Variants in ANKS1B observed in about 807,000 individuals in gnomAD.
ANKS1B encodes the protein ankyrin repeat and sterile alpha motif domain containing 1B.
A neutral mutation model predicts 148.3 loss-of-function variants in ANKS1B; 36 were observed. That is an observed-to-expected ratio of 0.24 (90% CI 0.19 to 0.32). The LOEUF is 0.32. Among genes scored for constraint, ANKS1B ranks in the 10% least tolerant of loss-of-function variants. The pLI, the probability that ANKS1B is intolerant of heterozygous loss-of-function variation, is 1.00. For missense variants in ANKS1B, 1,157 were observed against 1,542.6 expected (o/e 0.75, Z 4.19); for synonymous variants, 542 against 560.8 (o/e 0.97, Z 0.47).
intron 17 of ANKS1B, among the ~76,000 whole-genome samples, chr12:98,940,825 C>G (rs1299323602): frequency 6.6e-6 from 1 of 151,994 alleles, no homozygotes; most frequent in Non-Finnish European, 1.5e-5. Flanking sequence ...CATGGAGATC[C>G]ATTTGTTTGA....
At chr12:98,803,278 AGCTTAAAATTCTG>A (rs553709565) in intron 20 of ANKS1B, among the ~76,000 whole-genome samples, 1 of 152,334 alleles carries the variant, frequency 6.6e-6, no homozygotes, top group African/African-American at 2.4e-5. Flanking sequence ...AAGTGATAAT[AGCTTAAAATTCTG>A]GAAACATGCA....
intron 17 of ANKS1B, among the ~76,000 whole-genome samples, chr12:98,939,254 T>C (rs966023498): frequency 9.9e-5 from 15 of 152,248 alleles, no homozygotes; most frequent in African/African-American, 3.4e-4. Flanking sequence ...ATATAGCTGG[T>C]ACATAAGCAT....
intron 17 of ANKS1B, among the ~76,000 whole-genome samples, chr12:99,022,886 A>G (rs550958102): frequency 6.6e-6 from 1 of 152,074 alleles, no homozygotes; most frequent in Non-Finnish European, 1.5e-5. Flanking sequence ...TTAGGCTAAG[A>G]AATTTTCCTT....
intron 8 of ANKS1B, among the ~76,000 whole-genome samples, chr12:99,689,725 C>A (rs1164854434): frequency 6.6e-6 from 1 of 152,134 alleles, no homozygotes; most frequent in African/African-American, 2.4e-5. Context: ...GAATCTGAGA[C>A]CAGCCTCAAG....
chr12:99,749,808 C>T (rs1006404779), intron 8 of ANKS1B, among the ~76,000 whole-genome samples: 4 of 151,700 alleles, frequency 2.6e-5, no homozygotes, highest in Non-Finnish European at 5.9e-5. Flanking sequence ...AAGAGTGTCT[C>T]AGGGTTTAAA....
chr12:99,233,223 T>C (rs976835008), intron 14 of ANKS1B, among the ~76,000 whole-genome samples: 1 of 152,088 alleles, frequency 6.6e-6, no homozygotes, highest in African/African-American at 2.4e-5. Flanking sequence ...TCTGAAACAC[T>C]TCCGGTCACA....
intron 17 of ANKS1B, among the ~76,000 whole-genome samples, chr12:98,996,812 C>CAA (rs1160748107): frequency 0.13 from 5,125 of 40,614 alleles, 829 homozygotes; most frequent in Non-Finnish European, 0.18. Context: ...GACTCTATCT[C>CAA]AAAAAAAAAA....
intron 17 of ANKS1B, among the ~76,000 whole-genome samples, chr12:98,996,827 A>AAG (rs2099929974): frequency 6.7e-6 from 1 of 149,626 alleles, no homozygotes; most frequent in South Asian, 2.1e-4. Context: ...AAAAAAAAAA[A>AAG]AAAAAAAAAA....
chr12:99,444,443 A>G (rs764059505), intron 10 of ANKS1B, among the ~76,000 whole-genome samples: 1 of 151,998 alleles, frequency 6.6e-6, no homozygotes, highest in Admixed American at 6.6e-5. Flanking sequence ...CAGAATCTAA[A>G]TTAATCTTCT....
intron 8 of ANKS1B, among the ~76,000 whole-genome samples, chr12:99,769,790 C>T (rs1476416683): frequency 6.6e-6 from 1 of 152,194 alleles, no homozygotes; most frequent in Non-Finnish European, 1.5e-5. Context: ...TCATTACTTA[C>T]CCAACTTTAT....
At chr12:99,592,671 A>G (rs1351205530) in intron 9 of ANKS1B, among the ~76,000 whole-genome samples, 2 of 152,132 alleles carry the variant, frequency 1.3e-5, no homozygotes, top group Non-Finnish European at 2.9e-5. Flanking sequence ...AGTTTTTTCA[A>G]TGAAAAGAGT....
intron 25 of ANKS1B, among the ~76,000 whole-genome samples, chr12:98,766,679 G>A (rs78531550): frequency 0.015 from 2,355 of 152,242 alleles, 21 homozygotes; most frequent in Middle Eastern, 0.024. Context: ...AATAGCAAGA[G>A]TTCTTTTGCA....
intron 17 of ANKS1B, among the ~76,000 whole-genome samples, chr12:98,999,567 C>T (rs1326832184): frequency 6.6e-6 from 1 of 152,152 alleles, no homozygotes; most frequent in African/African-American, 2.4e-5. Context: ...TTAGTAAACC[C>T]TGATTCTAGG....
intron 1 of ANKS1B, among the ~76,000 whole-genome samples, chr12:99,874,829 A>C (rs2153731575): frequency 6.6e-6 from 1 of 152,340 alleles, no homozygotes; most frequent in South Asian, 2.1e-4. Context: ...TAAAGATAAA[A>C]CTTACATCAC....
chr12:99,832,403 C>T (rs1311087672), intron 1 of ANKS1B, among the ~76,000 whole-genome samples: 5 of 152,056 alleles, frequency 3.3e-5, no homozygotes, highest in African/African-American at 1.2e-4. Flanking sequence ...GCCTGTCCAA[C>T]ATGGTGAAAC....
At chr12:99,338,269 C>A (rs930111995) in intron 12 of ANKS1B, among the ~76,000 whole-genome samples, 1 of 152,150 alleles carries the variant, frequency 6.6e-6, no homozygotes, top group African/African-American at 2.4e-5. Flanking sequence ...TCTTTTCTCT[C>A]CTTTCCTCAA....
At chr12:98,977,334 C>G (rs919782194) in intron 17 of ANKS1B, among the ~76,000 whole-genome samples, 1 of 152,160 alleles carries the variant, frequency 6.6e-6, no homozygotes, top group Non-Finnish European at 1.5e-5. Context: ...AAAGATGGAA[C>G]ATAGCATCCT....
intron 4 of ANKS1B, among the ~76,000 whole-genome samples, chr12:99,795,687 G>C (rs116012604): frequency 2.0e-5 from 3 of 152,042 alleles, no homozygotes; most frequent in African/African-American, 7.2e-5. Context: ...ACACGGAAAA[G>C]GTCCCACTTT....
chr12:99,979,305 T>G (rs891722217), intron 1 of ANKS1B, among the ~76,000 whole-genome samples: 1 of 152,098 alleles, frequency 6.6e-6, no homozygotes, highest in African/African-American at 2.4e-5. Context: ...TTAGCTAAGT[T>G]TGAAAAAGAG....
Sources: gnomAD v4.1 joint callset for allele counts (sites outside exome capture counted in the v4.1 genomes callset) on GRCh38, gnomAD v4.1.1 for gene constraint, MANE v1.5 for transcripts, NCBI Gene and HGNC (gene_info 2026-07-23, HGNC 2026-07-21) for gene names.